The following SGIP1 variants were observed in gnomAD, a reference collection of about 807,000 sequenced individuals.
The protein encoded by SGIP1 is SH3GL interacting endocytic adaptor 1.
Under a neutral mutation model 107.5 loss-of-function variants are expected in SGIP1, and 38 were observed. The ratio of observed to expected loss-of-function variants is 0.35; its 90% confidence interval spans 0.27 to 0.46. The LOEUF (loss-of-function observed/expected upper bound fraction) is 0.46. Among genes scored for constraint, SGIP1 ranks in the 20% least tolerant of loss-of-function variants. SGIP1 has a pLI of 1.00. For missense variants in SGIP1, 929 were observed against 1,019.5 expected, an observed-to-expected ratio of 0.91 and a Z score of 1.21; for synonymous variants, 365 against 366.1, an observed-to-expected ratio of 1.00 and a Z score of 0.03.
At chr1:66,683,658 A>C (rs937715523) in intron 15 of SGIP1, among the ~76,000 whole-genome samples, 1 of 140,618 alleles carries the variant, frequency 7.1e-6, no homozygotes, top group African/African-American at 2.6e-5. Flanking sequence ...TAGAAACCAC[A>C]GTTTCTTATC....
At chr1:66,733,461 T>C (rs1369444926) in intron 20 of SGIP1, among the ~76,000 whole-genome samples, 2 of 152,210 alleles carry the variant, frequency 1.3e-5, no homozygotes, top group African/African-American at 4.8e-5. Context: ...AATAATTCAC[T>C]CTTTAAAGCT....
chr1:66,542,048 C>T (rs569095743), intron 1 of SGIP1, among the ~76,000 whole-genome samples: 2 of 152,052 alleles, frequency 1.3e-5, no homozygotes, highest in Non-Finnish European at 2.9e-5. Flanking sequence ...TTCCAAGATC[C>T]CCAGCGGATG....
At chr1:66,740,463 T>G (rs1472774264) in intron 22 of SGIP1, among the ~76,000 whole-genome samples, 195 bp from the exon 23 acceptor site, 1 of 152,146 alleles carries the variant, frequency 6.6e-6, no homozygotes, top group Non-Finnish European at 1.5e-5. Flanking sequence ...TTCTAGCTAG[T>G]TACAATAAGG....
intron 22 of SGIP1, among the ~76,000 whole-genome samples, 163 bp from the exon 23 acceptor site, chr1:66,740,495 T>C (rs937518252): frequency 6.6e-6 from 1 of 152,204 alleles, no homozygotes; most frequent in Non-Finnish European, 1.5e-5. Flanking sequence ...AAGAGATTTA[T>C]GTATGTCTGG....
intron 3 of SGIP1, among the ~76,000 whole-genome samples, chr1:66,635,275 C>A (rs1261900046): frequency 1.3e-5 from 2 of 152,222 alleles, no homozygotes; most frequent in African/African-American, 4.8e-5. Flanking sequence ...CTGAATGTAC[C>A]CATCACTGGC....
At chr1:66,664,208 T>A (rs2082081130) in intron 8 of SGIP1, among the ~76,000 whole-genome samples, 1 of 152,192 alleles carries the variant, frequency 6.6e-6, no homozygotes, top group Non-Finnish European at 1.5e-5. Flanking sequence ...GATTAGTCAA[T>A]AAGATAATTT....
intron 21 of SGIP1, 118 bp downstream of exon 21, chr1:66,733,998 A>C: frequency 8.7e-7 from 1 of 1,152,602 alleles, no homozygotes; most frequent in Non-Finnish European, 1.1e-6. Context: ...TAAAAGCTAT[A>C]ACTCATTTTT....
In SGIP1 at chr1:66,739,486, C is replaced by T; in HGVS notation, c.2183C>T (p.Pro728Leu). 2 of 1,614,112 alleles carry T rather than the reference C, an allele frequency of 1.2e-6. No individual in the cohort carries two copies. The highest frequency in any genetic ancestry group is 1.7e-6 in the Non-Finnish European group (2 of 1,180,024). Residue 728 changes from proline (P) to leucine (L), a missense_variant, in exon 22 of 25, where the codon CCC becomes CTC. Physicochemically the swap from Pro to Leu is moderately conservative, Grantham distance 98 (BLOSUM62 -3). Coordinates refer to ENST00000371037, the MANE Select transcript of SGIP1 (RefSeq NM_032291.4). ...VALNNVQFLV[P>L]IDGGVTKLQA... Reference sequence around the variant, plus strand: ...CTCAACAATGTGCAGTTCCTGGTCCCCATCGACGGAGGAGTCACCAAGCTC... The same window carrying T: ...CTCAACAATGTGCAGTTCCTGGTCCTCATCGACGGAGGAGTCACCAAGCTC...
chr1:66,618,180 T>C (rs1391269937), intron 1 of SGIP1, among the ~76,000 whole-genome samples: 1 of 152,246 alleles, frequency 6.6e-6, no homozygotes, highest in Non-Finnish European at 1.5e-5. Flanking sequence ...TTTTAGTGTA[T>C]CATTGTGCAC....
At chr1:66,649,085 G>A (rs899412735) in intron 7 of SGIP1, among the ~76,000 whole-genome samples, 24 of 152,216 alleles carry the variant, frequency 1.6e-4, no homozygotes, top group East Asian at 7.7e-4. Context: ...CCCATGTTCA[G>A]CCTTCTGACC....
At chr1:66,716,452 CT>C (rs1373903041) in intron 18 of SGIP1, among the ~76,000 whole-genome samples, 3 of 152,146 alleles carry the variant, frequency 2.0e-5, no homozygotes, top group African/African-American at 4.8e-5. Context: ...TCATTTTTAT[CT>C]TTTTTCCTAA....
At chr1:66,653,748 A>C (rs1460626545) in intron 7 of SGIP1, among the ~76,000 whole-genome samples, 1 of 152,184 alleles carries the variant, frequency 6.6e-6, no homozygotes, top group East Asian at 1.9e-4. Context: ...ATTGAATTAC[A>C]TGTTTTTTAT....
At chr1:66,612,258 G>T (rs151190492) in intron 1 of SGIP1, among the ~76,000 whole-genome samples, 1 of 152,312 alleles carries the variant, frequency 6.6e-6, no homozygotes, top group African/African-American at 2.4e-5. Context: ...ACCGCTTTGA[G>T]AATGACACCA....
intron 24 of SGIP1, 45 bp from the exon 25 acceptor site, chr1:66,743,028 A>G (rs2094506583): frequency 1.2e-6 from 2 of 1,610,702 alleles, no homozygotes; most frequent in South Asian, 2.2e-5. Context: ...TAATTACATT[A>G]TTGAACTACC....
rs571130129 is a variant in SGIP1 at position 66,729,336 on chromosome 1, C to T, written c.1815C>T (p.Asn605=). ...PAGITRHFAN[N]PSPAALTFRV... is the part of the protein sequence containing the mutation. The stretch of plus-strand genomic sequence containing the variant: ...GCATCACCAGACACTTTGCCAACAA[C>T]CCGTCCCCAGCTGCTCTGACTTTTC... The change falls in exon 20 of 25, where the codon AAC becomes AAT. Residue 605 remains asparagine, a synonymous_variant. Coordinates refer to ENST00000371037, the MANE Select transcript of SGIP1 (RefSeq NM_032291.4). 1.4e-5 allele frequency: 22 copies of T among 1,614,140 alleles called. No homozygotes were observed. The South Asian group carries it at 2.4e-4, about 18-fold the overall frequency.
chr1:66,602,933 CCT>C (rs1159926986), intron 1 of SGIP1, among the ~76,000 whole-genome samples: 1 of 152,088 alleles, frequency 6.6e-6, no homozygotes, highest in African/African-American at 2.4e-5. Flanking sequence ...AAAACTTTGG[CCT>C]CTCTGAAAGA....
intron 8 of SGIP1, among the ~76,000 whole-genome samples, chr1:66,664,822 C>CA (rs1257652470): frequency 6.6e-6 from 1 of 152,206 alleles, no homozygotes; most frequent in African/African-American, 2.4e-5. Flanking sequence ...TCCCTACTCA[C>CA]ATGCTAGTCA....
chr1:66,748,043 T>C lies in SGIP1; in HGVS notation c.*4948T>C, dbSNP rs577645302. On this transcript the variant is annotated 3_prime_UTR_variant, in exon 25 of 25. Transcript: ENST00000371037. ...AATGAACAAATCAATCCAAGTTACA[T>C]TGATTAAAGGGACTATTTGGATGAC... The C allele has an allele frequency of 2.2e-4, 33 of 152,146 alleles. No homozygotes were observed. Among genetic ancestry groups the C allele is most frequent in the African/African-American group, 7.5e-4 (31 of 41,572 alleles). 9.4% of individuals were successfully genotyped at this position (152,146 alleles called of 1,614,324 possible).
intron 1 of SGIP1, among the ~76,000 whole-genome samples, chr1:66,580,893 C>G: frequency 6.6e-6 from 1 of 152,062 alleles, no homozygotes; most frequent in Non-Finnish European, 1.5e-5. Flanking sequence ...ACATACATCA[C>G]TAAAAAATGA....
Sources: allele counts gnomAD v4.1 joint callset (sites outside exome capture counted in the v4.1 genomes callset), GRCh38; gene constraint gnomAD v4.1.1; transcripts MANE v1.5; gene names NCBI Gene and HGNC (gene_info 2026-07-23, HGNC 2026-07-21).